Variants in KANK1 observed in about 807,000 individuals in gnomAD.
The protein encoded by KANK1 is KN motif and ankyrin repeat domains 1.
A neutral mutation model predicts 106.2 loss-of-function variants in KANK1; 109 were observed. The observed-to-expected ratio is 1.03, with a 90% CI of 0.88 to 1.20. The LOEUF is 1.20. Ranked by LOEUF, KANK1 falls within the 50% of genes most tolerant of loss-of-function variation. KANK1 has a pLI of 0.00. For synonymous variants in KANK1, 873 were observed against 652.2 expected (o/e 1.34, Z -5.16); for missense variants, 2,399 against 1,710.7 (o/e 1.40, Z -7.10).
intron 3 of KANK1, among the ~76,000 whole-genome samples, chr9:724,095 C>T (rs367675499): frequency 6.6e-6 from 1 of 151,218 alleles, no homozygotes; most frequent in East Asian, 1.9e-4. Flanking sequence ...AGTGAGATGC[C>T]ATATCAAAAA....
chr9:719,764 G>A (rs1357741175), intron 3 of KANK1, among the ~76,000 whole-genome samples: 3 of 151,618 alleles, frequency 2.0e-5, no homozygotes, highest in Admixed American at 2.0e-4. Flanking sequence ...CTTTTTTTAA[G>A]AGATGGGGTC....
chr9:676,931 C>T lies in KANK1; in HGVS notation c.-42C>T. The T allele has an allele frequency of 1.3e-6, 2 of 1,582,594 alleles. No individual in the cohort carries two copies. The highest frequency in any genetic ancestry group is 1.7e-6 in the Non-Finnish European group (2 of 1,155,232). On this transcript the variant is annotated 5_prime_UTR_variant, in exon 2 of 12. Transcript: ENST00000382297. ...AACTTGATGCATAAAATTTGCATGACTCCTCACTCCTTTCTGGATCTCTCA... is the reference window on the plus strand; with the variant it reads ...AACTTGATGCATAAAATTTGCATGATTCCTCACTCCTTTCTGGATCTCTCA...
At chr9:505,145 C>T (rs944425629) in intron 1 of KANK1, among the ~76,000 whole-genome samples, 2 of 152,124 alleles carry the variant, frequency 1.3e-5, no homozygotes, top group African/African-American at 2.4e-5. Context: ...GGCGCTCTGT[C>T]CCTCGGATGC....
At chr9:517,354 G>A (rs2059328216) in intron 1 of KANK1, among the ~76,000 whole-genome samples, 1 of 151,786 alleles carries the variant, frequency 6.6e-6, no homozygotes, top group Admixed American at 6.5e-5. Flanking sequence ...TGCCTGCCTC[G>A]GCCTTCCAAA....
chr9:625,990 C>G (rs533154149), intron 1 of KANK1, among the ~76,000 whole-genome samples: 25 of 152,188 alleles, frequency 1.6e-4, no homozygotes, highest in African/African-American at 5.5e-4. Context: ...TTCTGGACCT[C>G]CCCTTTAATG....
chr9:717,405 T>C (rs16923050), intron 3 of KANK1, among the ~76,000 whole-genome samples: 3,144 of 152,358 alleles, frequency 0.021, 96 homozygotes, highest in African/African-American at 0.071. Flanking sequence ...CAGATGTCCA[T>C]GCTTGCACGT....
At position 656,877 on chromosome 9, in the gene KANK1, TC is replaced by T. The variant is rs796448251; in HGVS notation, c.-83-20011del. On this transcript the variant is annotated intron_variant, in intron 1 of 11. Coordinates refer to ENST00000382297, the MANE Select transcript of KANK1 (RefSeq NM_015158.5). Reference sequence around the variant, plus strand: ...ACCGTAAATGCTACTTCTACTTTTTTCCTTTTTTTTTATTGTGGTGAAAAAC... The same window carrying T: ...ACCGTAAATGCTACTTCTACTTTTTTCTTTTTTTTTATTGTGGTGAAAAAC... Among the ~76,000 whole-genome samples the T allele has an allele frequency of 1.3e-3, 192 of 152,258 alleles. 1 individual carries two copies. The highest frequency in any genetic ancestry group is 4.4e-3 in the African/African-American group (181 of 41,514).
intron 1 of KANK1, among the ~76,000 whole-genome samples, chr9:577,951 G>A (rs972810534): frequency 6.6e-6 from 1 of 152,136 alleles, no homozygotes; most frequent in South Asian, 2.1e-4. Flanking sequence ...AAGAGTGCTA[G>A]TTGTTGATCA....
At chr9:716,595 C>T (rs1253057764) in intron 3 of KANK1, among the ~76,000 whole-genome samples, 4 of 152,122 alleles carry the variant, frequency 2.6e-5, no homozygotes, top group Non-Finnish European at 5.9e-5. Context: ...AAGCTCAAAA[C>T]GAAGTATATT....
chr9:723,360 A>G (rs531956607), intron 3 of KANK1, among the ~76,000 whole-genome samples: 13 of 152,264 alleles, frequency 8.5e-5, no homozygotes, highest in South Asian at 4.2e-4. Context: ...GGGTGGGAGG[A>G]AAGGCTTACC....
chr9:732,575 A>G lies in KANK1; in HGVS notation c.3203A>G (p.Gln1068Arg), dbSNP rs199923895. ...TCTGCCAGGGTGGAAGATGAAATGC[A>G]GGTTCAAGAATGTGAACCTGAGAAG... ...LKSARVEDEM[Q>R]VQECEPEKVE... Residue 1068 changes from glutamine (Q) to arginine (R), a missense_variant, in exon 6 of 12, where the codon CAG becomes CGG. Physicochemically the swap from Gln to Arg is conservative, Grantham distance 43 (BLOSUM62 1). Coordinates refer to ENST00000382297, the MANE Select transcript of KANK1 (RefSeq NM_015158.5). 13 of 1,614,096 alleles carry G rather than the reference A, an allele frequency of 8.1e-6. No homozygotes were observed. Among genetic ancestry groups the G allele is most frequent in the Non-Finnish European group, 1.1e-5 (13 of 1,180,038 alleles).
rs896903658 is a variant in KANK1 at position 565,859 on chromosome 9, T to C, written c.-84+61105T>C. Among the ~76,000 whole-genome samples the C allele has an allele frequency of 3.5e-4, 53 of 152,238 alleles. 1 individual carries two copies. The highest frequency in any genetic ancestry group is 6.5e-4 in the Admixed American group (10 of 15,286). On this transcript the variant is annotated intron_variant, in intron 1 of 11. Coordinates refer to ENST00000382297, the MANE Select transcript of KANK1 (RefSeq NM_015158.5). ...GGCTGGTTATCATTTATACCTACGC[T>C]TTTAACAAAACTTTTATTTTAGGTT...
intron 2 of KANK1, among the ~76,000 whole-genome samples, chr9:678,527 A>C (rs1267891919): frequency 6.6e-6 from 1 of 152,074 alleles, no homozygotes; most frequent in Non-Finnish European, 1.5e-5. Context: ...TCGGTAGTTC[A>C]AGACCAGCCT....
Position 734,803 on chromosome 9 carries a change from A to T in KANK1, c.3301A>T (p.Asn1101Tyr), listed in dbSNP as rs1833322427. 2 of 1,613,684 alleles carry T rather than the reference A, an allele frequency of 1.2e-6. No individual in the cohort carries two copies. The highest frequency in any genetic ancestry group is 2.2e-5 in the East Asian group (1 of 44,896). The change falls in exon 7 of 12, where the codon AAT (asparagine) becomes TAT (tyrosine). Residue 1101 changes from asparagine to tyrosine, a missense_variant. By Grantham distance (143) the Asn-to-Tyr change is moderately radical (BLOSUM62 -2). Transcript: ENST00000382297. Reference sequence around the variant, plus strand: ...ATGCAACTTACTGAAAAATACTATAAATGACCCCAAAGCTTTGACCAGCAA... The same window carrying T: ...ATGCAACTTACTGAAAAATACTATATATGACCCCAAAGCTTTGACCAGCAA... ...SACNLLKNTI[N>Y]DPKALTSKDM...
chr9:671,471 G>T (rs1297560451), intron 1 of KANK1, among the ~76,000 whole-genome samples: 2 of 36,138 alleles, frequency 5.5e-5, no homozygotes, highest in Non-Finnish European at 1.0e-4. Flanking sequence ...CGGTGAAACC[G>T]CATCTCTACT....
At chr9:600,875 TGG>T (rs1228440062) in intron 1 of KANK1, among the ~76,000 whole-genome samples, 1 of 151,892 alleles carries the variant, frequency 6.6e-6, no homozygotes, top group African/African-American at 2.4e-5. Context: ...CTTTTTGTTC[TGG>T]GATAACTGAA....
intron 1 of KANK1, among the ~76,000 whole-genome samples, chr9:516,262 C>G (rs186719092): frequency 6.6e-6 from 1 of 151,550 alleles, no homozygotes; most frequent in East Asian, 1.9e-4. Flanking sequence ...TCCAGAGACA[C>G]CAAACTTTTA....
chr9:618,255 C>G (rs990168936), intron 1 of KANK1, among the ~76,000 whole-genome samples: 1 of 152,174 alleles, frequency 6.6e-6, no homozygotes, highest in African/African-American at 2.4e-5. Flanking sequence ...GTCACACAGG[C>G]TAAAGTGCAG....
chr9:573,300 C>T lies in KANK1; in HGVS notation c.-84+68546C>T, dbSNP rs535463392. ...TTATTATTTTTTTGAGACAGAGTCT[C>T]GCTCTGTCACCCAGGCTGGAGTGCA... On this transcript the variant is annotated intron_variant, in intron 1 of 11. Transcript: ENST00000382297. Among the ~76,000 whole-genome samples, 7 of 152,144 alleles carry T rather than the reference C, an allele frequency of 4.6e-5. No homozygotes were observed. In the East Asian group the frequency reaches 5.8e-4, roughly 13 times the overall value.
Sources: allele counts gnomAD v4.1 joint callset (sites outside exome capture counted in the v4.1 genomes callset), GRCh38; gene constraint gnomAD v4.1.1; transcripts MANE v1.5; gene names NCBI Gene and HGNC (gene_info 2026-07-23, HGNC 2026-07-21).